LCLAT1: variants seen among roughly 807,000 people sequenced by gnomAD.
LCLAT1 encodes 1-AGP acyltransferase 8.
LCLAT1 carries 11 observed loss-of-function variants against 30.7 expected under a neutral mutation model. The ratio of observed to expected loss-of-function variants is 0.36; its 90% confidence interval spans 0.23 to 0.59. The LOEUF is 0.59. Among genes scored for constraint, LCLAT1 ranks in the 20% least tolerant of loss-of-function variants. LCLAT1 has a pLI of 0.77. For missense variants in LCLAT1, 402 were observed against 458.6 expected, an observed-to-expected ratio of 0.88 and a Z score of 1.13; for synonymous variants, 155 against 151.3, an observed-to-expected ratio of 1.02 and a Z score of -0.18.
chr2:30,565,044 T>C (rs1488036622), intron 4 of LCLAT1, among the ~76,000 whole-genome samples: 1 of 152,192 alleles, frequency 6.6e-6, no homozygotes, highest in Non-Finnish European at 1.5e-5. Flanking sequence ...CAGACATATG[T>C]GCACCCATAC....
intron 1 of LCLAT1, among the ~76,000 whole-genome samples, chr2:30,480,807 A>T (rs1045069941): frequency 3.3e-5 from 5 of 152,166 alleles, no homozygotes; most frequent in Non-Finnish European, 5.9e-5. Context: ...TTTGCTGAGG[A>T]TATAATAGTG....
chr2:30,486,132 AC>A (rs1249922250), intron 1 of LCLAT1, among the ~76,000 whole-genome samples: 1 of 152,188 alleles, frequency 6.6e-6, no homozygotes, highest in Non-Finnish European at 1.5e-5. Context: ...TACATGATAA[AC>A]TGGAAAGTGA....
At position 30,565,682 on chromosome 2, in the gene LCLAT1, C is replaced by T. The variant is rs946125462; in HGVS notation, c.512-2378C>T. 3.9e-5 allele frequency among the ~76,000 whole-genome samples: 6 copies of T among 151,958 alleles called. No homozygotes were observed. The South Asian group carries it at 8.3e-4, about 21-fold the overall frequency. ...GCCTGGATCTTTATCCCTACTCTCA[C>T]GAAGTTTACGTTCTGTGAGGAAAGA... On this transcript the variant is annotated intron_variant, in intron 4 of 5. Coordinates refer to ENST00000379509, the MANE Select transcript of LCLAT1 (RefSeq NM_001002257.3).
At chr2:30,531,154 A>G (rs890490982) in intron 2 of LCLAT1, among the ~76,000 whole-genome samples, 3 of 151,988 alleles carry the variant, frequency 2.0e-5, no homozygotes, top group Non-Finnish European at 2.9e-5. Context: ...AATTCCAGCT[A>G]CTCGGGAGGC....
At chr2:30,509,045 G>A (rs1281173498) in intron 1 of LCLAT1, among the ~76,000 whole-genome samples, 1 of 152,038 alleles carries the variant, frequency 6.6e-6, no homozygotes, top group Non-Finnish European at 1.5e-5. Flanking sequence ...GAATGGGATT[G>A]GGTTTTTGAT....
In LCLAT1 at chr2:30,641,032, G is replaced by A. The variant is rs895451082; in HGVS notation, c.*413G>A. On this transcript the variant is annotated 3_prime_UTR_variant, in exon 6 of 6. Coordinates refer to ENST00000379509, the MANE Select transcript of LCLAT1 (RefSeq NM_001002257.3). The stretch of plus-strand genomic sequence containing the variant: ...CCCAGGTCACCTCATTGAGGTGAGC[G>A]CTGTCCCTCCAGGTACTCAGGCAGG... The A allele has an allele frequency of 6.3e-5, 10 of 159,600 alleles. No homozygotes were observed. Among genetic ancestry groups the A allele is most frequent in the East Asian group, 1.9e-4 (1 of 5,322 alleles). The allele number at this position is 159,600 out of a possible 1,614,324, so 9.9% of individuals were successfully genotyped here. A position where few individuals can be genotyped will look rare whatever the true frequency, so the allele number is the denominator to read the frequency against.
intron 1 of LCLAT1, among the ~76,000 whole-genome samples, chr2:30,479,408 C>T (rs1217169495): frequency 6.6e-6 from 1 of 151,920 alleles, no homozygotes; most frequent in African/African-American, 2.4e-5. Context: ...GAGGATTGCT[C>T]AAGCTATCCT....
intron 5 of LCLAT1, among the ~76,000 whole-genome samples, chr2:30,631,049 C>T (rs986982769): frequency 6.6e-5 from 10 of 152,130 alleles, no homozygotes; most frequent in African/African-American, 2.4e-4. Flanking sequence ...CTACTTATAG[C>T]CAAAAACCTG....
At chr2:30,605,679 C>A (rs1269057123) in intron 5 of LCLAT1, among the ~76,000 whole-genome samples, 1 of 152,156 alleles carries the variant, frequency 6.6e-6, no homozygotes, top group Non-Finnish European at 1.5e-5. Flanking sequence ...AACTCTGAAG[C>A]TGCACCTTTA....
chr2:30,462,763 T>G (rs1200087260), intron 1 of LCLAT1, among the ~76,000 whole-genome samples: 1 of 152,190 alleles, frequency 6.6e-6, no homozygotes, highest in Admixed American at 6.5e-5. Context: ...TTACCTTTTT[T>G]TGTGTTACGT....
chr2:30,612,911 A>C (rs1042744810), intron 5 of LCLAT1, among the ~76,000 whole-genome samples: 2 of 152,148 alleles, frequency 1.3e-5, no homozygotes, highest in African/African-American at 4.8e-5. Flanking sequence ...GAATAAAATA[A>C]ACAAAAATTT....
In LCLAT1 at chr2:30,596,435, G is replaced by A. The variant is rs141184705; in HGVS notation, c.628+28259G>A. ...TCATAAGTTTATTAGCCATATAAAT[G>A]TCTTCTTTTGAGAAGAGTCTGTTCA... On this transcript the variant is annotated intron_variant, in intron 5 of 5. Coordinates refer to ENST00000379509, the MANE Select transcript of LCLAT1 (RefSeq NM_001002257.3). 7.0e-3 allele frequency among the ~76,000 whole-genome samples: 1,057 copies of A among 151,448 alleles called. 12 individuals carry two copies. The highest frequency in any genetic ancestry group is 0.024 in the African/African-American group (1,001 of 41,332).
At chr2:30,477,647 A>G (rs1236120824) in intron 1 of LCLAT1, among the ~76,000 whole-genome samples, 1 of 152,176 alleles carries the variant, frequency 6.6e-6, no homozygotes, top group Non-Finnish European at 1.5e-5. Flanking sequence ...TGTTATCAAC[A>G]TATCACTTTA....
intron 1 of LCLAT1, among the ~76,000 whole-genome samples, chr2:30,483,492 G>A (rs1683414651): frequency 6.6e-6 from 1 of 152,030 alleles, no homozygotes; most frequent in African/African-American, 2.4e-5. Flanking sequence ...TTAAAGTGAG[G>A]ATATAATGTG....
At chr2:30,558,081 G>C (rs138911389) in intron 3 of LCLAT1, among the ~76,000 whole-genome samples, 3 of 152,240 alleles carry the variant, frequency 2.0e-5, no homozygotes, top group Non-Finnish European at 4.4e-5. Context: ...TAATGAGTTT[G>C]GGATAGGCAG....
At chr2:30,583,750 C>T (rs1666304648) in intron 5 of LCLAT1, among the ~76,000 whole-genome samples, 1 of 152,080 alleles carries the variant, frequency 6.6e-6, no homozygotes, top group South Asian at 2.1e-4. Context: ...TAAATTTCTA[C>T]CCATTGGATT....
chr2:30,451,166 T>C (rs925484750), intron 1 of LCLAT1, among the ~76,000 whole-genome samples: 1 of 152,204 alleles, frequency 6.6e-6, no homozygotes, highest in Non-Finnish European at 1.5e-5. Flanking sequence ...AATAATGAGA[T>C]ACTGCTATAC....
chr2:30,476,760 A>C (rs374264708), intron 1 of LCLAT1: 2 of 313,262 alleles, frequency 6.4e-6, no homozygotes, highest in South Asian at 5.7e-5. Context: ...CCATCCATGG[A>C]AAAATCGTCT....
intron 1 of LCLAT1, among the ~76,000 whole-genome samples, chr2:30,492,227 C>T (rs1683871188): frequency 6.6e-6 from 1 of 152,074 alleles, no homozygotes; most frequent in Non-Finnish European, 1.5e-5. Flanking sequence ...CACAATAACA[C>T]TATGTACATT....
Sources: gnomAD v4.1 joint callset for allele counts (sites outside exome capture counted in the v4.1 genomes callset) on GRCh38, gnomAD v4.1.1 for gene constraint, MANE v1.5 for transcripts, NCBI Gene and HGNC (gene_info 2026-07-23, HGNC 2026-07-21) for gene names.